Variants in CEP57L1 observed in about 807,000 individuals in gnomAD.
The protein encoded by CEP57L1 is centrosomal protein 57 like 1.
Under a neutral mutation model 61.0 loss-of-function variants are expected in CEP57L1, and 37 were observed. That is an observed-to-expected ratio of 0.61 (90% CI 0.47 to 0.80). The LOEUF is 0.80. CEP57L1 is among the 30% of genes least tolerant of loss of function. The pLI is 0.00. For synonymous variants in CEP57L1, 137 were observed against 162.3 expected (o/e 0.84, Z 1.19); for missense variants, 422 against 524.7 (o/e 0.80, Z 1.91).
At chr6:109,125,764 A>G (rs1041559955) in intron 1 of CEP57L1, among the ~76,000 whole-genome samples, 2 of 151,740 alleles carry the variant, frequency 1.3e-5, no homozygotes, top group African/African-American at 2.4e-5. Flanking sequence ...TTAAAGTTCA[A>G]CAAAAATAAG....
chr6:109,142,905 G>T lies in CEP57L1; in HGVS notation c.-3-2314G>T, dbSNP rs1771540664. ...CCATCTGTGCTCTCTCTGTTTCTCT[G>T]TTGCTCTCTCGCTTTCTCACTCTTG... is the stretch of plus-strand genomic sequence containing the variant. On this transcript the variant is annotated intron_variant, in intron 1 of 10. Transcript: ENST00000517392. Among the ~76,000 whole-genome samples the T allele has an allele frequency of 2.1e-5, 3 of 142,602 alleles. No homozygotes were observed. In the South Asian group the frequency reaches 6.7e-4, roughly 32 times the overall value. 93.6% of individuals were successfully genotyped at this position (142,602 alleles called of 152,430 possible).
chr6:109,159,033 A>G lies in CEP57L1; in HGVS notation c.753A>G (p.Lys251=). Reference sequence around the variant, plus strand: ...TTCTTGCCAATCTCTAGAAAACTAAATGTATAAAGAGACGACCACCTTGGC... The same window carrying G: ...TTCTTGCCAATCTCTAGAAAACTAAGTGTATAAAGAGACGACCACCTTGGC... ...KEKKKSSKKT[K]CIKRRPPWQI... The change falls in exon 8 of 11, where the codon AAA becomes AAG. Residue 251 remains lysine, a synonymous_variant. Coordinates refer to ENST00000517392, the MANE Select transcript of CEP57L1 (RefSeq NM_001271852.3). The G allele has an allele frequency of 6.2e-7, 1 of 1,606,458 alleles. No individual in the cohort carries two copies.
At chr6:109,132,651 A>T (rs927409281) in intron 1 of CEP57L1, among the ~76,000 whole-genome samples, 1 of 152,232 alleles carries the variant, frequency 6.6e-6, no homozygotes, top group African/African-American at 2.4e-5. Flanking sequence ...ATATATGTGT[A>T]TGTAAAGAAA....
chr6:109,153,119 A>G (rs1772824497), intron 4 of CEP57L1, among the ~76,000 whole-genome samples: 2 of 151,308 alleles, frequency 1.3e-5, no homozygotes, highest in African/African-American at 4.8e-5. Flanking sequence ...AAAAAAAAAA[A>G]AGAAAAGAAA....
At chr6:109,133,782 ACCT>A (rs1774479006) in intron 1 of CEP57L1, among the ~76,000 whole-genome samples, 1 of 152,172 alleles carries the variant, frequency 6.6e-6, no homozygotes, top group South Asian at 2.1e-4. Flanking sequence ...TACTATAAAC[ACCT>A]CTACGCAAAT....
chr6:109,129,678 A>C (rs1238533427), intron 1 of CEP57L1, among the ~76,000 whole-genome samples: 1 of 152,134 alleles, frequency 6.6e-6, no homozygotes, highest in African/African-American at 2.4e-5. Context: ...CACATTTCTT[A>C]CTTGGGTTAG....
At chr6:109,110,248 T>C (rs890621762) in intron 1 of CEP57L1, among the ~76,000 whole-genome samples, 11 of 152,216 alleles carry the variant, frequency 7.2e-5, no homozygotes, top group Non-Finnish European at 1.5e-4. Context: ...TGGCATGAGA[T>C]GGTATCTTAT....
At chr6:109,154,544 G>A (rs953789427) in intron 5 of CEP57L1, among the ~76,000 whole-genome samples, 14 of 151,938 alleles carry the variant, frequency 9.2e-5, no homozygotes, top group Admixed American at 8.5e-4. Flanking sequence ...ATACAATACA[G>A]GTTGGGTGTC....
At chr6:109,100,451 G>A (rs890211092) in intron 1 of CEP57L1, among the ~76,000 whole-genome samples, 3 of 152,000 alleles carry the variant, frequency 2.0e-5, no homozygotes, top group Non-Finnish European at 4.4e-5. Context: ...GAGGTGGGCC[G>A]ATCACTTGAG....
Position 109,170,621 on chromosome 6 carries a change from T to C in CEP57L1, c.*7651T>C, listed in dbSNP as rs1650156504. ...TCCGTTTAACTTTACAAATGTGTTA[T>C]TTAAAACATAAACCATTTTGGTGCA... On this transcript the variant is annotated 3_prime_UTR_variant, in exon 11 of 11. Coordinates refer to ENST00000517392, the MANE Select transcript of CEP57L1 (RefSeq NM_001271852.3). Among the ~76,000 whole-genome samples the C allele has an allele frequency of 2.0e-5, 3 of 152,216 alleles. No individual in the cohort carries two copies. Among genetic ancestry groups the C allele is most frequent in the Admixed American group, 6.5e-5 (1 of 15,284 alleles).
At chr6:109,144,237 A>G (rs2114855457) in intron 1 of CEP57L1, among the ~76,000 whole-genome samples, 1 of 152,278 alleles carries the variant, frequency 6.6e-6, no homozygotes, top group Admixed American at 6.5e-5. Context: ...CTTCCAGAAA[A>G]TACTATCCTG....
At chr6:109,131,909 G>A (rs552467642) in intron 1 of CEP57L1, among the ~76,000 whole-genome samples, 1 of 152,210 alleles carries the variant, frequency 6.6e-6, no homozygotes, top group South Asian at 2.1e-4. Flanking sequence ...TGAGTTATAA[G>A]TTTGGACACT....
intron 1 of CEP57L1, chr6:109,100,420 A>T (rs1782236429): frequency 6.6e-6 from 1 of 152,186 alleles, no homozygotes; most frequent in Non-Finnish European, 1.5e-5. Flanking sequence ...TATGCCTATA[A>T]TCCTAGCACT....
chr6:109,171,841 A>T lies in CEP57L1; in HGVS notation c.*8871A>T, dbSNP rs1358580278. On this transcript the variant is annotated 3_prime_UTR_variant, in exon 11 of 11. Transcript: ENST00000517392. ...GTATCCTTAGATATCAGCATTGCCA[A>T]GACCAGGGATATAGTTATTAGTAAT... Among the ~76,000 whole-genome samples the T allele has an allele frequency of 1.3e-5, 2 of 152,216 alleles. No homozygotes were observed. Among genetic ancestry groups the T allele is most frequent in the Non-Finnish European group, 2.9e-5 (2 of 68,046 alleles).
chr6:109,133,725 G>A (rs1443554599), intron 1 of CEP57L1, among the ~76,000 whole-genome samples: 1 of 151,968 alleles, frequency 6.6e-6, no homozygotes, highest in Non-Finnish European at 1.5e-5. Flanking sequence ...AATGATAAAG[G>A]GGATATCACC....
intron 3 of CEP57L1, among the ~76,000 whole-genome samples, chr6:109,148,767 C>G (rs1419655894): frequency 6.6e-6 from 1 of 152,154 alleles, no homozygotes; most frequent in African/African-American, 2.4e-5. Flanking sequence ...TCTCCACATC[C>G]TCTCCAGCAC....
intron 1 of CEP57L1, among the ~76,000 whole-genome samples, chr6:109,124,777 C>T (rs1440800195): frequency 6.6e-6 from 1 of 152,128 alleles, no homozygotes; most frequent in African/African-American, 2.4e-5. Context: ...CAAGTATTCA[C>T]CCTTCATGTC....
intron 3 of CEP57L1, among the ~76,000 whole-genome samples, chr6:109,149,582 G>A (rs868548056): frequency 6.6e-6 from 1 of 152,030 alleles, no homozygotes; most frequent in East Asian, 1.9e-4. Context: ...TTTTGGCTTA[G>A]GATTGACTTG....
At position 109,164,799 on chromosome 6, in the gene CEP57L1, C is replaced by T. The variant is rs992589147; in HGVS notation, c.*1829C>T. ...AAATTATCATTAAAAATTTAAAAAC[C>T]GTCCAGGCGCGGTGGCTCACACCTA... is the stretch of plus-strand genomic sequence containing the variant. On this transcript the variant is annotated 3_prime_UTR_variant, in exon 11 of 11. Coordinates refer to ENST00000517392, the MANE Select transcript of CEP57L1 (RefSeq NM_001271852.3). 2.0e-5 allele frequency among the ~76,000 whole-genome samples: 3 copies of T among 151,698 alleles called. No homozygotes were observed. The highest frequency in any genetic ancestry group is 2.1e-4 in the South Asian group (1 of 4,816).
Sources: allele counts gnomAD v4.1 joint callset (sites outside exome capture counted in the v4.1 genomes callset), GRCh38; gene constraint gnomAD v4.1.1; transcripts MANE v1.5; gene names NCBI Gene and HGNC (gene_info 2026-07-23, HGNC 2026-07-21).